Variants in C1orf141 observed in about 807,000 individuals in gnomAD.
C1orf141 encodes uncharacterized protein C1orf141.
A neutral mutation model predicts 23.2 loss-of-function variants in C1orf141; 19 were observed. That is an observed-to-expected ratio of 0.82 (90% CI 0.57 to 1.20). The LOEUF (loss-of-function observed/expected upper bound fraction) is 1.20, where lower values mean the gene tolerates loss of function less well. C1orf141 is among the 50% of genes most tolerant of loss of function. C1orf141 has a pLI of 0.00. For missense variants in C1orf141, 469 were observed against 455.1 expected, an observed-to-expected ratio of 1.03 and a Z score of -0.28; for synonymous variants, 153 against 154.6, an observed-to-expected ratio of 0.99 and a Z score of 0.08.
intron 5 of C1orf141, among the ~76,000 whole-genome samples, chr1:67,106,050 G>A (rs1311830218): frequency 6.6e-6 from 1 of 152,180 alleles, no homozygotes; most frequent in African/African-American, 2.4e-5. Context: ...AGAAACTCCT[G>A]CAAGCAGACA....
chr1:67,128,938 A>T (rs1558206955), intron 2 of C1orf141, among the ~76,000 whole-genome samples: 2 of 152,196 alleles, frequency 1.3e-5, no homozygotes, highest in South Asian at 2.1e-4. Context: ...TGGAGACAAC[A>T]GTTCATGAAA....
intron 2 of C1orf141, among the ~76,000 whole-genome samples, chr1:67,128,160 T>C (rs376055318): frequency 7.2e-5 from 11 of 152,266 alleles, no homozygotes; most frequent in African/African-American, 1.9e-4. Context: ...AGTTAATTAA[T>C]ATTGCTAACC....
intron 5 of C1orf141, among the ~76,000 whole-genome samples, chr1:67,108,508 A>G (rs1645986516): frequency 6.6e-6 from 1 of 152,096 alleles, no homozygotes; most frequent in African/African-American, 2.4e-5. Context: ...AAAAATCAGC[A>G]ATCACCTGAG....
intron 5 of C1orf141, among the ~76,000 whole-genome samples, chr1:67,113,133 C>G (rs1646113436): frequency 6.6e-6 from 1 of 151,952 alleles, no homozygotes; most frequent in Non-Finnish European, 1.5e-5. Flanking sequence ...GTGTGCACCA[C>G]CACACCCGGC....
Position 67,093,219 on chromosome 1 carries a change from C to A in C1orf141, c.989G>T (p.Gly330Val). The change falls in exon 8 of 8, where the codon GGT becomes GTT. Residue 330 changes from glycine to valine, a missense_variant. Coordinates refer to ENST00000684719, the MANE Select transcript of C1orf141 (RefSeq NM_001276351.2). ...ATGAATAACAGCTTTATCAAGGTAA[C>A]CCACAAATTGTTTTGTTAGGCTAGA... ...NFSSLTKQFV[G>V]YLDKAVIHEM... The A allele has an allele frequency of 6.2e-7, 1 of 1,613,852 alleles. No homozygotes were observed. The highest frequency in any genetic ancestry group is 1.1e-5 in the South Asian group (1 of 91,072).
intron 5 of C1orf141, among the ~76,000 whole-genome samples, chr1:67,109,797 TATC>T (rs1646026000): frequency 6.6e-6 from 1 of 152,154 alleles, no homozygotes. Flanking sequence ...TTGATATTAT[TATC>T]ATCATTTCCC....
Position 67,127,145 on chromosome 1 carries a change from T to C in C1orf141, c.75+21A>G, listed in dbSNP as rs752856636. The stretch of plus-strand genomic sequence containing the variant: ...TAACCTGTTAATGATTAAACTGAAT[T>C]GTAGCTTATACGTCACAAACCTTTG... On this transcript the variant is annotated intron_variant, in intron 3 of 7. Transcript: ENST00000684719. 1.6e-5 allele frequency: 24 copies of C among 1,546,804 alleles called. No individual in the cohort carries two copies. The South Asian group carries it at 2.0e-4, about 13-fold the overall frequency.
chr1:67,095,236 A>G lies in C1orf141; in HGVS notation c.602T>C (p.Met201Thr). ...AACAATAGATGATATGCTTATTACC[A>G]TGTGAGAAGTTACTGTCTTTGTTGG... ...VSPTKTVTSHMEQKDTNPIIF... is the reference protein window; with the variant it reads ...VSPTKTVTSHTEQKDTNPIIF... Residue 201 changes from methionine to threonine, a missense_variant and splice_region_variant, in exon 7 of 8, where the codon ATG becomes ACG. Physicochemically the swap from Met to Thr is moderately conservative, Grantham distance 81. Transcript: ENST00000684719. 2 of 1,529,696 alleles carry G rather than the reference A, an allele frequency of 1.3e-6. No homozygotes were observed. Among genetic ancestry groups the G allele is most frequent in the Admixed American group, 1.9e-5 (1 of 53,078 alleles). 94.8% of individuals were successfully genotyped at this position (1,529,696 alleles called of 1,614,324 possible).
At position 67,103,924 on chromosome 1, in the gene C1orf141, CAT is replaced by C. The variant is rs1478305996; in HGVS notation, c.347-7605_347-7604del. Among the ~76,000 whole-genome samples, 5 of 152,090 alleles carry C rather than the reference CAT, an allele frequency of 3.3e-5. No individual in the cohort carries two copies. The East Asian group carries it at 7.7e-4, about 23-fold the overall frequency. ...TAGGCGCTCAAAATATACATATGCACATGTTAATATAAACTGAATACTTTGTG... is the reference window on the plus strand; with the variant it reads ...TAGGCGCTCAAAATATACATATGCACGTTAATATAAACTGAATACTTTGTG... On this transcript the variant is annotated intron_variant, in intron 5 of 7. Transcript: ENST00000684719.
chr1:67,115,464 C>A lies in C1orf141; in HGVS notation c.234G>T (p.Met78Ile). The A allele has an allele frequency of 5.8e-6, 7 of 1,200,142 alleles. No individual in the cohort carries two copies. Among genetic ancestry groups the A allele is most frequent in the South Asian group, 1.5e-5 (1 of 66,050 alleles). 74.3% of individuals were successfully genotyped at this position (1,200,142 alleles called of 1,614,324 possible). A position where few individuals can be genotyped will look rare whatever the true frequency, so the allele number is the denominator to read the frequency against. The change falls in exon 5 of 8, where the codon ATG (methionine) becomes ATT (isoleucine). Residue 78 changes from methionine to isoleucine, a missense_variant and splice_region_variant. Physicochemically the swap from Met to Ile is conservative, Grantham distance 10 (BLOSUM62 1). Transcript: ENST00000684719. The part of the protein sequence containing the change: ...DKSCSITKSK[M>I]HVSFKCEPEP... ...CAGGCTCACATTTGAAAGAGACATG[C>A]CTGGAAGAAATAAAAATTAATTTAA...
chr1:67,121,124 C>T (rs978141462), intron 4 of C1orf141, among the ~76,000 whole-genome samples: 4 of 152,172 alleles, frequency 2.6e-5, no homozygotes, highest in Admixed American at 1.3e-4. Context: ...CTCCCTCCTC[C>T]TTTACTCCCA....
intron 5 of C1orf141, among the ~76,000 whole-genome samples, chr1:67,108,700 C>T (rs1472655264): frequency 1.3e-5 from 2 of 152,042 alleles, no homozygotes; most frequent in Admixed American, 1.3e-4. Context: ...TGCACTCCAG[C>T]CTAGGTGATG....
At chr1:67,129,066 T>C (rs1044713196) in intron 2 of C1orf141, among the ~76,000 whole-genome samples, 11 of 152,160 alleles carry the variant, frequency 7.2e-5, no homozygotes, top group Non-Finnish European at 2.9e-5. Context: ...GATTTCTTCA[T>C]GTACTGAATG....
chr1:67,116,058 C>A (rs1646187710), intron 4 of C1orf141, among the ~76,000 whole-genome samples: 1 of 152,160 alleles, frequency 6.6e-6, no homozygotes. Flanking sequence ...TGTCTATAGG[C>A]CAATGTCCCA....
Position 67,093,290 on chromosome 1 carries a change from T to C in C1orf141, c.918A>G (p.Leu306=), listed in dbSNP as rs1392937198. The change falls in exon 8 of 8, where the codon CTA becomes CTG. Residue 306 remains leucine (L), a synonymous_variant. Coordinates refer to ENST00000684719, the MANE Select transcript of C1orf141 (RefSeq NM_001276351.2). ...KLKKKTNKQT[L]ENRSWNTLYN... The stretch of plus-strand genomic sequence containing the variant: ...AGAGTGTATTCCAAGATCTGTTTTC[T>C]AGTGTCTGCTTATTAGTTTTCTTCT... 6.2e-6 allele frequency: 10 copies of C among 1,613,844 alleles called. No individual in the cohort carries two copies. The highest frequency in any genetic ancestry group is 8.5e-6 in the Non-Finnish European group (10 of 1,179,752).
intron 4 of C1orf141, chr1:67,123,955 C>G (rs1412242966): frequency 6.6e-6 from 1 of 152,198 alleles, no homozygotes; most frequent in East Asian, 1.9e-4. Context: ...GTACAAAGCA[C>G]TACAATGCAC....
Position 67,134,924 on chromosome 1 carries a change from A to G in C1orf141, c.-104+6T>C, listed in dbSNP as rs920578705. 4.6e-5 allele frequency: 7 copies of G among 152,316 alleles called. No homozygotes were observed. Among genetic ancestry groups the G allele is most frequent in the African/African-American group, 1.7e-4 (7 of 41,434 alleles). The allele number at this position is 152,316 out of a possible 1,614,324, so 9.4% of individuals were successfully genotyped here. On this transcript the variant is annotated splice_donor_region_variant and intron_variant, in intron 1 of 7. Transcript: ENST00000684719. ...TCTTCCAACCCTTCCGCACCCTGAA[A>G]CAAACCTCATCTCCTTTCCTCCCTC...
rs774867262 is a variant in C1orf141 at position 67,125,703 on chromosome 1, C to G, written c.233+49G>C. 2.3e-5 allele frequency: 36 copies of G among 1,568,926 alleles called. No homozygotes were observed. In the Middle Eastern group the frequency reaches 1.4e-3, roughly 60 times the overall value. ...AATGAGTGAGTCCTTGTTTCACAAA[C>G]AAACAAACAAATTCTGAACTGAAAA... is the stretch of plus-strand genomic sequence containing the variant. On this transcript the variant is annotated intron_variant, in intron 4 of 7. Transcript: ENST00000684719.
chr1:67,113,762 T>C (rs1264264716), intron 5 of C1orf141: 3 of 1,210,918 alleles, frequency 2.5e-6, no homozygotes, highest in Non-Finnish European at 2.2e-6. Context: ...GATCACTATA[T>C]GATTTAAGGA....
Sources: allele counts gnomAD v4.1 joint callset (sites outside exome capture counted in the v4.1 genomes callset), GRCh38; gene constraint gnomAD v4.1.1; transcripts MANE v1.5; gene names NCBI Gene and HGNC (gene_info 2026-07-23, HGNC 2026-07-21).